The following CDK5RAP3 variants were observed in gnomAD, a reference collection of about 807,000 sequenced individuals.
The protein encoded by CDK5RAP3 is CDK5 regulatory subunit-associated protein 3.
A neutral mutation model predicts 73.3 loss-of-function variants in CDK5RAP3; 58 were observed. The ratio of observed to expected loss-of-function variants is 0.79; its 90% CI spans 0.64 to 0.98. CDK5RAP3 has a LOEUF of 0.98. CDK5RAP3 is among the 50% of genes least tolerant of loss of function. CDK5RAP3 has a pLI of 0.00. For missense variants in CDK5RAP3, 525 were observed against 615.8 expected (o/e 0.85, Z 1.56); for synonymous variants, 224 against 247.5 (o/e 0.91, Z 0.89).
intron 3 of CDK5RAP3, 138 bp downstream of exon 3, chr17:47,973,788 C>A: frequency 1.6e-6 from 2 of 1,246,016 alleles, no homozygotes; most frequent in Non-Finnish European, 2.3e-6. Flanking sequence ...TAGATGCTGG[C>A]TTCTTCCACT....
In CDK5RAP3 at chr17:47,973,523, G is replaced by T; in HGVS notation, c.57G>T (p.Trp19Cys). ...ATTTGGGTGCTTCTCATGTAGATTGGCTGGTGGACAGAAGGCACTGCAGCC... is the reference window on the plus strand; with the variant it reads ...ATTTGGGTGCTTCTCATGTAGATTGTCTGGTGGACAGAAGGCACTGCAGCC... ...IDIQTSKLLD[W>C]LVDRRHCSLK... is the part of the protein sequence containing the mutation. Residue 19 changes from tryptophan to cysteine, a missense_variant, in exon 3 of 14, where the codon TGG becomes TGT. Coordinates refer to ENST00000338399, the MANE Select transcript of CDK5RAP3 (RefSeq NM_176096.3). 6.2e-7 allele frequency: 1 copy of T among 1,613,878 alleles called. No homozygotes were observed. The highest frequency in any genetic ancestry group is 8.5e-7 in the Non-Finnish European group (1 of 1,179,826).
At chr17:47,970,727 T>G, upstream of CDK5RAP3, 1 of 1,535,224 alleles carries the variant, frequency 6.5e-7, no homozygotes, top group Non-Finnish European at 8.7e-7. Flanking sequence ...GAAGAAGGTA[T>G]TTGCAACGGC....
At chr17:47,971,708 GCCTGTAAT>G (rs1005306176) in intron 2 of CDK5RAP3, among the ~76,000 whole-genome samples, 2 of 152,184 alleles carry the variant, frequency 1.3e-5, no homozygotes, top group African/African-American at 4.8e-5. Context: ...GGTGGCTCAT[GCCTGTAAT>G]CCCAGCACTT....
In CDK5RAP3 at chr17:47,975,165, T is replaced by A. The variant is rs1254292290; in HGVS notation, c.341T>A (p.Leu114His). The A allele has an allele frequency of 6.2e-7, 1 of 1,614,008 alleles. No homozygotes were observed. Among genetic ancestry groups the A allele is most frequent in the African/African-American group, 1.3e-5 (1 of 74,900 alleles). ...TTTCCTGGGCACTTCTCAGTGGAACTCTCTAGCCTCCTGGTTCGGAATGTC... is the reference window on the plus strand; with the variant it reads ...TTTCCTGGGCACTTCTCAGTGGAACACTCTAGCCTCCTGGTTCGGAATGTC... ...YEKDNTYLVE[L>H]SSLLVRNVNY... The change falls in exon 6 of 14, where the codon CTC becomes CAC. Residue 114 changes from leucine (L) to histidine (H), a missense_variant. This residue lies in a region of CDK5RAP3 where 409 missense variants were observed against 429.8 expected (regional missense o/e 0.95). Transcript: ENST00000338399.
intron 11 of CDK5RAP3, 98 bp downstream of exon 11, chr17:47,979,015 G>C: frequency 1.2e-6 from 1 of 861,432 alleles, no homozygotes; most frequent in Non-Finnish European, 2.0e-6. Context: ...TTGTGTGAAG[G>C]GTGTGAGTGC....
chr17:47,976,960 A>G (rs1229039542), intron 9 of CDK5RAP3, 138 bp downstream of exon 9: 1 of 498,150 alleles, frequency 2.0e-6, no homozygotes, highest in East Asian at 3.9e-5. Context: ...AGAGTTTCAC[A>G]CGTCACATGT....
At chr17:47,980,357 C>A (rs1377450762) in intron 11 of CDK5RAP3, 2 of 524,174 alleles carry the variant, frequency 3.8e-6, no homozygotes, top group African/African-American at 3.8e-5. Context: ...TAACCTCAAA[C>A]TCCTGGGCTC....
intron 11 of CDK5RAP3, chr17:47,979,156 G>A (rs1412484505): frequency 2.1e-6 from 1 of 485,662 alleles, no homozygotes; most frequent in Non-Finnish European, 3.7e-6. Context: ...GACAGTCAAA[G>A]TCCTTGACCT....
chr17:47,974,732 T>G, intron 5 of CDK5RAP3: 9 of 1,322,584 alleles, frequency 6.8e-6, no homozygotes, highest in Non-Finnish European at 8.7e-6. Context: ...TTAGCGGGAG[T>G]GTGCTGCCCC....
At chr17:47,969,018 C>A (rs958307102), upstream of CDK5RAP3, among the ~76,000 whole-genome samples, 1 of 152,096 alleles carries the variant, frequency 6.6e-6, no homozygotes, top group Non-Finnish European at 1.5e-5. Context: ...ATGTTGTAAA[C>A]TGTCATGAGT....
chr17:47,971,366 A>G lies in CDK5RAP3; in HGVS notation c.11A>G (p.His4Arg). 1 of 1,610,830 alleles carries G rather than the reference A, an allele frequency of 6.2e-7. No individual in the cohort carries two copies. The highest frequency in any genetic ancestry group is 8.5e-7 in the Non-Finnish European group (1 of 1,178,752). ...CCTCACCGTGTTTCCCGCCAGGACCATCAGCACGTGCCCATCGACATCCAG... is the reference window on the plus strand; with the variant it reads ...CCTCACCGTGTTTCCCGCCAGGACCGTCAGCACGTGCCCATCGACATCCAG... MED[H>R]QHVPIDIQTS... Residue 4 changes from histidine (H) to arginine (R), a missense_variant, in exon 2 of 14, where the codon CAT (histidine) becomes CGT (arginine). Transcript: ENST00000338399.
At chr17:47,974,640 G>A in intron 5 of CDK5RAP3, 192 bp downstream of exon 5, 1 of 1,413,934 alleles carries the variant, frequency 7.1e-7, no homozygotes, top group Non-Finnish European at 9.2e-7. Context: ...GCTGGGGGAA[G>A]GAGGAGGTCC....
At chr17:47,974,352 C>A (rs1193260892) in intron 4 of CDK5RAP3, 48 bp from the exon 5 acceptor site, 1 of 1,495,130 alleles carries the variant, frequency 6.7e-7, no homozygotes, top group Non-Finnish European at 9.3e-7. Context: ...TGGGATGTGG[C>A]TGTCGAGTGC....
In CDK5RAP3 at chr17:47,976,757, G is replaced by A. The variant is rs34460325; in HGVS notation, c.844G>A (p.Asp282Asn). The change falls in exon 9 of 14, where the codon GAC becomes AAC. Residue 282 changes from aspartate to asparagine, a missense_variant. Asp to Asn is a conservative substitution (Grantham distance 23). Coordinates refer to ENST00000338399, the MANE Select transcript of CDK5RAP3 (RefSeq NM_176096.3). ...FGVEAVSEGT[D>N]SGISAEAAGI... ...GGTAGAGGCAGTGTCTGAGGGGACT[G>A]ACTCTGGCATCTCTGCCGAGGCTGC... is the stretch of plus-strand genomic sequence containing the variant. 9.4e-4 allele frequency: 1,516 copies of A among 1,613,110 alleles called. 12 individuals are homozygous for A. Among genetic ancestry groups the A allele is most frequent in the South Asian group, 8.2e-3 (749 of 91,008 alleles).
intron 2 of CDK5RAP3, 93 bp downstream of exon 2, chr17:47,971,500 G>A (rs1224140024): frequency 1.6e-6 from 2 of 1,244,130 alleles, no homozygotes; most frequent in African/African-American, 3.0e-5. Context: ...ACCCCTGAAA[G>A]CCTGAGTCGA....
In CDK5RAP3 at chr17:47,976,353, C is replaced by G. The variant is rs2036411860; in HGVS notation, c.798+340C>G. ...AGGCCTGTGGGAAGGCAGCCCCACCCTCCTTTTTAAATTAATTTATTTTTG... is the reference window on the plus strand; with the variant it reads ...AGGCCTGTGGGAAGGCAGCCCCACCGTCCTTTTTAAATTAATTTATTTTTG... On this transcript the variant is annotated intron_variant, in intron 8 of 13. Coordinates refer to ENST00000338399, the MANE Select transcript of CDK5RAP3 (RefSeq NM_176096.3). The G allele has an allele frequency of 1.1e-5, 4 of 364,970 alleles. No individual in the cohort carries two copies. The East Asian group carries it at 1.9e-4, about 17-fold the overall frequency. The allele number at this position is 364,970 out of a possible 1,614,324, so 22.6% of individuals were successfully genotyped here. A position where few individuals can be genotyped will look rare whatever the true frequency, so the allele number is the denominator to read the frequency against.
rs971273932 is a variant in CDK5RAP3, at chr17:47,980,374, T to C, written c.1078-219T>C. Reference sequence around the variant, plus strand: ...ACCTCAAACTCCTGGGCTCAAGTGATCCTCCCGCCTCAGCCTCCTGAGTAG... The same window carrying C: ...ACCTCAAACTCCTGGGCTCAAGTGACCCTCCCGCCTCAGCCTCCTGAGTAG... On this transcript the variant is annotated intron_variant, in intron 11 of 13. Coordinates refer to ENST00000338399, the MANE Select transcript of CDK5RAP3 (RefSeq NM_176096.3). 1.9e-4 allele frequency: 106 copies of C among 554,270 alleles called. 1 individual carries two copies. Among genetic ancestry groups the C allele is most frequent in the African/African-American group, 1.7e-3 (91 of 53,084 alleles). The allele number at this position is 554,270 out of a possible 1,614,324, so 34.3% of individuals were successfully genotyped here. A position where few individuals can be genotyped will look rare whatever the true frequency, so the allele number is the denominator to read the frequency against.
chr17:47,981,552 T>C lies in CDK5RAP3; in HGVS notation c.*50T>C. The C allele has an allele frequency of 2.5e-6, 4 of 1,614,112 alleles. No individual in the cohort carries two copies. The highest frequency in any genetic ancestry group is 2.5e-6 in the Non-Finnish European group (3 of 1,180,010). On this transcript the variant is annotated 3_prime_UTR_variant, in exon 14 of 14. Transcript: ENST00000338399. Reference sequence around the variant, plus strand: ...ATCTTCTCCGCTTTTGGGATGAAGATGATAGCCAGGGCTGTTGTTTTGGGG... The same window carrying C: ...ATCTTCTCCGCTTTTGGGATGAAGACGATAGCCAGGGCTGTTGTTTTGGGG...
intron 10 of CDK5RAP3, 153 bp from the exon 11 acceptor site, chr17:47,978,676 G>A: frequency 1.6e-6 from 1 of 617,164 alleles, no homozygotes; most frequent in South Asian, 1.9e-5. Context: ...GAGACACCTG[G>A]GACAAGGTAG....
Sources: gnomAD v4.1 joint callset for allele counts (sites outside exome capture counted in the v4.1 genomes callset) on GRCh38, gnomAD v4.1.1 for gene constraint, gnomAD v4.1.1 regional missense constraint, MANE v1.5 for transcripts, NCBI Gene and HGNC (gene_info 2026-07-23, HGNC 2026-07-21) for gene names.